The following SERPINE2 variants were observed in gnomAD, a reference collection of about 807,000 sequenced individuals.
SERPINE2 encodes the protein serpin family E member 2, also known as glia-derived nexin.
Under a neutral mutation model 36.3 loss-of-function variants are expected in SERPINE2, and 14 were observed. The observed-to-expected ratio is 0.39, with a 90% confidence interval of 0.25 to 0.60. The LOEUF (loss-of-function observed/expected upper bound fraction) is 0.60, where lower values mean the gene tolerates loss of function less well. Ranked by LOEUF, SERPINE2 falls within the 20% of genes least tolerant of loss-of-function variation. The pLI is 0.57. For synonymous variants in SERPINE2, 192 were observed against 191.8 expected (o/e 1.00, Z -0.01); for missense variants, 418 against 499.6 (o/e 0.84, Z 1.56).
chr2:224,015,781 T>C (rs68066031), intron 1 of SERPINE2, among the ~76,000 whole-genome samples: 26,772 of 152,102 alleles, frequency 0.18, 2,736 homozygotes, highest in Non-Finnish European at 0.23. Flanking sequence ...ACTGATAAAC[T>C]GAAAAACTGA....
chr2:224,033,683 C>CAAGG (rs1692449447), intron 1 of SERPINE2, among the ~76,000 whole-genome samples: 1 of 149,518 alleles, frequency 6.7e-6, no homozygotes, highest in South Asian at 2.1e-4. Flanking sequence ...AAAAAGTCAC[C>CAAGG]AAGAGGTCAT....
intron 1 of SERPINE2, among the ~76,000 whole-genome samples, chr2:224,018,187 G>C (rs1404180562): frequency 6.6e-6 from 1 of 152,208 alleles, no homozygotes; most frequent in Non-Finnish European, 1.5e-5. Context: ...GGCGACTGAG[G>C]AAATGGGCGT....
chr2:224,031,288 C>T (rs542512709), intron 1 of SERPINE2: 2 of 985,440 alleles, frequency 2.0e-6, no homozygotes, highest in South Asian at 9.4e-5. Context: ...GACCGTGGAC[C>T]CTTTATCTCT....
chr2:224,034,411 C>T (rs1430418327), intron 1 of SERPINE2, among the ~76,000 whole-genome samples: 1 of 152,000 alleles, frequency 6.6e-6, no homozygotes, highest in Non-Finnish European at 1.5e-5. Flanking sequence ...CTGGGCGGTA[C>T]CAGTGCAGTT....
Position 224,005,090 on chromosome 2 carries a change from TATATATAA to T in SERPINE2, c.-22-3176_-22-3169del, listed in dbSNP as rs1245115080. 5.9e-3 allele frequency among the ~76,000 whole-genome samples: 703 copies of T among 118,734 alleles called. 21 individuals carry two copies. The highest frequency in any genetic ancestry group is 0.02 in the Middle Eastern group (5 of 250). 77.9% of individuals were successfully genotyped at this position (118,734 alleles called of 152,430 possible). A position where few individuals can be genotyped will look rare whatever the true frequency, so the allele number is the denominator to read the frequency against. ...TTATATATATATATATATATATATA[TATATATAA>T]AACATTGTAAAAACAGGGTGAAAGG... On this transcript the variant is annotated intron_variant, in intron 1 of 8. Coordinates refer to ENST00000409304, the MANE Select transcript of SERPINE2 (RefSeq NM_001136528.2).
chr2:224,027,666 A>G (rs1692229858), intron 1 of SERPINE2, among the ~76,000 whole-genome samples: 1 of 152,170 alleles, frequency 6.6e-6, no homozygotes, highest in Admixed American at 6.5e-5. Context: ...CTCTACAGAC[A>G]ATGCTCCCTG....
chr2:223,983,994 G>A (rs1690330893), intron 5 of SERPINE2, among the ~76,000 whole-genome samples: 1 of 151,066 alleles, frequency 6.6e-6, no homozygotes, highest in South Asian at 2.1e-4. Flanking sequence ...GAGAGAATTA[G>A]TAATACTTAT....
intron 1 of SERPINE2, chr2:224,030,504 T>G (rs1262346279): frequency 1.3e-5 from 2 of 152,394 alleles, no homozygotes; most frequent in Non-Finnish European, 2.9e-5. Flanking sequence ...ACTTCAGGGG[T>G]GGCCCTTAAG....
rs1691188543 is a variant in SERPINE2, at chr2:224,001,915, A to G, written c.-15T>C. 2.5e-6 allele frequency: 4 copies of G among 1,604,876 alleles called. No individual in the cohort carries two copies. The highest frequency in any genetic ancestry group is 3.4e-6 in the Non-Finnish European group (4 of 1,173,572). On this transcript the variant is annotated 5_prime_UTR_variant, in exon 2 of 9. Transcript: ENST00000409304. ...TGCCAGTTCATGGTTCCTTCCACCA[A>G]GGACGACCTGGAAAAGTAAGTTAAA...
rs529000022 is a variant in SERPINE2, at chr2:223,975,717, A to G, written c.*150T>C. On this transcript the variant is annotated 3_prime_UTR_variant, in exon 9 of 9. Transcript: ENST00000409304. ...TTCCCTCCAATACCTCCCAGAACAGAAACACTTGCATCGAGTCTGTTCCTA... is the reference window on the plus strand; with the variant it reads ...TTCCCTCCAATACCTCCCAGAACAGGAACACTTGCATCGAGTCTGTTCCTA... 1.0e-5 allele frequency: 6 copies of G among 596,724 alleles called. No homozygotes were observed. In the South Asian group the frequency reaches 1.9e-4, roughly 19 times the overall value. 37.0% of individuals were successfully genotyped at this position (596,724 alleles called of 1,614,324 possible). A position where few individuals can be genotyped will look rare whatever the true frequency, so the allele number is the denominator to read the frequency against.
At chr2:224,025,224 T>C (rs1692145242) in intron 1 of SERPINE2, among the ~76,000 whole-genome samples, 1 of 152,174 alleles carries the variant, frequency 6.6e-6, no homozygotes, top group Non-Finnish European at 1.5e-5. Context: ...GCCCGCCCCT[T>C]GCCCAGTCCC....
intron 7 of SERPINE2, 135 bp from the exon 8 acceptor site, chr2:223,977,762 G>A (rs1039051520): frequency 1.7e-5 from 11 of 653,108 alleles, no homozygotes; most frequent in African/African-American, 1.6e-4. Flanking sequence ...TCCATAGGCT[G>A]GCCATGTTAC....
chr2:223,998,040 C>T, intron 3 of SERPINE2, 75 bp downstream of exon 3: 2 of 1,231,682 alleles, frequency 1.6e-6, no homozygotes, highest in Non-Finnish European at 2.4e-6. Context: ...TTGCAGACAC[C>T]ACTTTGAACC....
At chr2:223,977,814 C>T (rs538358344) in intron 7 of SERPINE2, 187 bp from the exon 8 acceptor site, 1 of 550,660 alleles carries the variant, frequency 1.8e-6, no homozygotes, top group Non-Finnish European at 3.3e-6. Flanking sequence ...TACCTTGGGC[C>T]AGGCCCTTTA....
intron 2 of SERPINE2, among the ~76,000 whole-genome samples, chr2:224,001,016 T>C (rs1209028927): frequency 6.6e-6 from 1 of 152,158 alleles, no homozygotes; most frequent in Non-Finnish European, 1.5e-5. Flanking sequence ...GGCAAAACAA[T>C]ATGCAAGGAA....
intron 1 of SERPINE2, among the ~76,000 whole-genome samples, chr2:224,014,819 A>G (rs1249588145): frequency 6.6e-6 from 1 of 152,152 alleles, no homozygotes; most frequent in Admixed American, 6.5e-5. Flanking sequence ...TCCTACAAAT[A>G]TTAATGAAGC....
chr2:224,023,002 A>C (rs536207100), intron 1 of SERPINE2, among the ~76,000 whole-genome samples: 13 of 152,288 alleles, frequency 8.5e-5, no homozygotes, highest in Admixed American at 6.5e-4. Flanking sequence ...GCCTTCCACC[A>C]TGATTGTAAG....
At chr2:224,018,617 T>C (rs1691881421) in intron 1 of SERPINE2, among the ~76,000 whole-genome samples, 2 of 150,682 alleles carry the variant, frequency 1.3e-5, no homozygotes, top group African/African-American at 4.9e-5. Flanking sequence ...AATAAAATAA[T>C]AAAAGGGGTA....
chr2:223,984,645 A>G, intron 5 of SERPINE2, 107 bp downstream of exon 5: 1 of 1,026,224 alleles, frequency 9.7e-7, no homozygotes, highest in Non-Finnish European at 1.4e-6. Context: ...AGAACAGAAC[A>G]GGCTTCATGA....
Sources: gnomAD v4.1 joint callset for allele counts (sites outside exome capture counted in the v4.1 genomes callset) on GRCh38, gnomAD v4.1.1 for gene constraint, MANE v1.5 for transcripts, NCBI Gene and HGNC (gene_info 2026-07-23, HGNC 2026-07-21) for gene names.